Variants in NUP62 observed in about 807,000 individuals in gnomAD.
NUP62 encodes nuclear pore glycoprotein p62.
For missense variants in NUP62, 647 were observed against 689.4 expected (o/e 0.94, Z 0.69); for synonymous variants, 305 against 303.4 (o/e 1.01, Z -0.05).
At chr19:49,924,467 C>G (rs1320679278) in intron 2 of NUP62, among the ~76,000 whole-genome samples, 1 of 152,178 alleles carries the variant, frequency 6.6e-6, no homozygotes, top group Non-Finnish European at 1.5e-5. Context: ...CCGTCCCCGT[C>G]AAACAGCCAG....
intron 2 of NUP62, among the ~76,000 whole-genome samples, chr19:49,919,184 G>A (rs1478105764): frequency 6.6e-6 from 1 of 152,184 alleles, no homozygotes; most frequent in Non-Finnish European, 1.5e-5. Context: ...TTTGTGAATA[G>A]GTAGTATGTT....
chr19:49,908,785 G>A lies in NUP62; in HGVS notation c.1023C>T (p.Ser341=). 3 of 1,613,772 alleles carry A rather than the reference G, an allele frequency of 1.9e-6. No homozygotes were observed. Among genetic ancestry groups the A allele is most frequent in the Non-Finnish European group, 2.5e-6 (3 of 1,180,038 alleles). ...AQLESLINKW[S]LELEDQERHF... is the part of the protein sequence containing the mutation. ...GCCGCTCCTGGTCCTCTAGCTCCAG[G>A]CTCCATTTGTTGATCAGGCTCTCCA... Residue 341 remains serine (S), a synonymous_variant, in exon 3 of 3, where the codon AGC becomes AGT. Coordinates refer to ENST00000352066, the MANE Select transcript of NUP62 (RefSeq NM_016553.5).
intron 2 of NUP62, among the ~76,000 whole-genome samples, chr19:49,918,772 T>C (rs534494100): frequency 1.6e-3 from 236 of 152,090 alleles, no homozygotes; most frequent in Middle Eastern, 0.01. Context: ...TGTTCCCGTG[T>C]GCTCACTACC....
At chr19:49,915,036 G>A (rs1000193604) in intron 2 of NUP62, among the ~76,000 whole-genome samples, 11 of 151,954 alleles carry the variant, frequency 7.2e-5, no homozygotes, top group South Asian at 2.1e-4. Context: ...CACTGTGCCC[G>A]GCCCCCAACC....
At chr19:49,924,349 C>T (rs1253804174) in intron 2 of NUP62, among the ~76,000 whole-genome samples, 1 of 152,212 alleles carries the variant, frequency 6.6e-6, no homozygotes, top group Non-Finnish European at 1.5e-5. Flanking sequence ...CCCTCCCTCT[C>T]CACACCACCC....
At chr19:49,914,091 G>A (rs1172794700) in intron 2 of NUP62, among the ~76,000 whole-genome samples, 2 of 152,176 alleles carry the variant, frequency 1.3e-5, no homozygotes, top group Non-Finnish European at 2.9e-5. Context: ...GCTCACACCT[G>A]TAATCCCAGT....
rs560839227 is a variant in NUP62 at position 49,908,037 on chromosome 19, T to C, written c.*202A>G. On this transcript the variant is annotated 3_prime_UTR_variant, in exon 3 of 3. Transcript: ENST00000352066. ...ATGAAAGCCACAGAAGCCACACCCATGAGGCTGCTGCCTGGGCAGAAGGCC... is the reference window on the plus strand; with the variant it reads ...ATGAAAGCCACAGAAGCCACACCCACGAGGCTGCTGCCTGGGCAGAAGGCC... The C allele has an allele frequency of 6.0e-6, 7 of 1,168,790 alleles. No homozygotes were observed. In the South Asian group the frequency reaches 6.5e-5, roughly 11 times the overall value. The allele number at this position is 1,168,790 out of a possible 1,614,324, so 72.4% of individuals were successfully genotyped here. A position where few individuals can be genotyped will look rare whatever the true frequency, so the allele number is the denominator to read the frequency against.
intron 2 of NUP62, among the ~76,000 whole-genome samples, chr19:49,910,885 G>C (rs1304764522): frequency 6.6e-6 from 1 of 152,204 alleles, no homozygotes; most frequent in Non-Finnish European, 1.5e-5. Context: ...GAAAGGGTGA[G>C]AGGGAGTGCT....
chr19:49,923,339 T>A (rs1255907391), intron 2 of NUP62, among the ~76,000 whole-genome samples: 3 of 152,210 alleles, frequency 2.0e-5, no homozygotes, highest in Non-Finnish European at 4.4e-5. Flanking sequence ...TCACATTCGC[T>A]GGCCTCTGTG....
chr19:49,923,571 C>T (rs1345078752), intron 2 of NUP62, among the ~76,000 whole-genome samples: 1 of 152,216 alleles, frequency 6.6e-6, no homozygotes, highest in African/African-American at 2.4e-5. Context: ...CTCTGGCAGC[C>T]GCCGGCTTCA....
chr19:49,918,900 G>A (rs865872259), intron 2 of NUP62, among the ~76,000 whole-genome samples: 1,635 of 148,578 alleles, frequency 0.011, 73 homozygotes, highest in African/African-American at 0.039. Flanking sequence ...GAGGCTGGGG[G>A]GGGGGGGGCG....
intron 2 of NUP62, chr19:49,911,061 T>C (rs1600507947): frequency 6.6e-6 from 1 of 152,222 alleles, no homozygotes; most frequent in East Asian, 1.9e-4. Flanking sequence ...CATGCCACCA[T>C]GCGTGGATAA....
Position 49,907,776 on chromosome 19 carries a change from T to C in NUP62, c.*463A>G, listed in dbSNP as rs1011177294. On this transcript the variant is annotated 3_prime_UTR_variant, in exon 3 of 3. Transcript: ENST00000352066. ...GTCTCGAACTCCTGACCTCAAGTCA[T>C]CTGCCCGCCTTGGCCACCCAAAGTG... 1.8e-5 allele frequency: 6 copies of C among 332,168 alleles called. No homozygotes were observed. The highest frequency in any genetic ancestry group is 1.1e-4 in the African/African-American group (5 of 45,652). The allele number at this position is 332,168 out of a possible 1,614,324, so 20.6% of individuals were successfully genotyped here.
At position 49,908,451 on chromosome 19, in the gene NUP62, C is replaced by T. The variant is rs2122591524; in HGVS notation, c.1357G>A (p.Asp453Asn). The change falls in exon 3 of 3, where the codon GAC becomes AAC. Residue 453 changes from aspartate (D) to asparagine (N), a missense_variant. Physicochemically the swap from Asp to Asn is conservative, Grantham distance 23 (BLOSUM62 1). Coordinates refer to ENST00000352066, the MANE Select transcript of NUP62 (RefSeq NM_016553.5). ...GACGTGTTCAGGTGCTCGATGATGTCCTTGAGATCCTGGGCCATGCGCTTG... is the reference window on the plus strand; with the variant it reads ...GACGTGTTCAGGTGCTCGATGATGTTCTTGAGATCCTGGGCCATGCGCTTG... ...QLKRMAQDLK[D>N]IIEHLNTSGA... 1 of 1,614,134 alleles carries T rather than the reference C, an allele frequency of 6.2e-7. No individual in the cohort carries two copies. Among genetic ancestry groups the T allele is most frequent in the Non-Finnish European group, 8.5e-7 (1 of 1,180,054 alleles).
intron 2 of NUP62, among the ~76,000 whole-genome samples, chr19:49,926,034 C>T (rs990453404): frequency 1.9e-4 from 29 of 151,732 alleles, no homozygotes; most frequent in African/African-American, 7.0e-4. Context: ...CATGGTGAAA[C>T]CCTGTATCTA....
Position 49,921,370 on chromosome 19 carries a change from C to G in NUP62, c.-78+6324G>C, listed in dbSNP as rs543278163. On this transcript the variant is annotated intron_variant, in intron 2 of 2. Coordinates refer to ENST00000352066, the MANE Select transcript of NUP62 (RefSeq NM_016553.5). This position sits in a 1 kb window ranked among gnomAD's most constrained non-coding sequence, Gnocchi z 5.4. ...TGCTCCCCACTGCCACCACCATCAC[C>G]GTCCCCTGCCTCATCCAGTCCCCCT... 3.3e-5 allele frequency among the ~76,000 whole-genome samples: 5 copies of G among 152,232 alleles called. No homozygotes were observed.
In NUP62 at chr19:49,911,379, A is replaced by C. The variant is rs1295100427; in HGVS notation, c.-77-1495T>G. 2.0e-5 allele frequency: 3 copies of C among 152,236 alleles called. No homozygotes were observed. The South Asian group carries it at 6.2e-4, about 32-fold the overall frequency. The allele number at this position is 152,236 out of a possible 1,614,324, so 9.4% of individuals were successfully genotyped here. A position where few individuals can be genotyped will look rare whatever the true frequency, so the allele number is the denominator to read the frequency against. On this transcript the variant is annotated intron_variant, in intron 2 of 2. Coordinates refer to ENST00000352066, the MANE Select transcript of NUP62 (RefSeq NM_016553.5). ...AAAGAGGGAGGCCCTGTCTCAAAAA[A>C]ACAAAAGAATAATCAAAGTCAAGAC...
chr19:49,911,854 G>A (rs1057165442), intron 2 of NUP62, among the ~76,000 whole-genome samples: 5 of 152,260 alleles, frequency 3.3e-5, no homozygotes, highest in Admixed American at 6.5e-5. Context: ...AGAGGCCACG[G>A]CAAGTGCCTG....
chr19:49,908,715 G>A lies in NUP62; in HGVS notation c.1093C>T (p.Leu365=). Residue 365 remains leucine (L), a synonymous_variant, in exon 3 of 3, where the codon CTG becomes TTG. Transcript: ENST00000352066. ...GTGATCTTTTCTCCATTCTCGATCAGCGTGCGGTCCCAGGCGTTGACCTGG... is the reference window on the plus strand; with the variant it reads ...GTGATCTTTTCTCCATTCTCGATCAACGTGCGGTCCCAGGCGTTGACCTGG... ...ATQVNAWDRT[L]IENGEKITSL... 6.2e-7 allele frequency: 1 copy of A among 1,612,938 alleles called. No individual in the cohort carries two copies. Among genetic ancestry groups the A allele is most frequent in the East Asian group, 2.2e-5 (1 of 44,888 alleles).
Sources: allele counts gnomAD v4.1 joint callset (sites outside exome capture counted in the v4.1 genomes callset), GRCh38; gene constraint gnomAD v4.1.1; non-coding constraint Gnocchi (gnomAD v3.1); transcripts MANE v1.5; gene names NCBI Gene and HGNC (gene_info 2026-07-23, HGNC 2026-07-21).